The following SGCD variants were observed in gnomAD, a reference collection of about 807,000 sequenced individuals.
SGCD encodes the protein sarcoglycan delta.
Under a neutral mutation model 36.6 loss-of-function variants are expected in SGCD, and 18 were observed. The ratio of observed to expected loss-of-function variants is 0.49; its 90% CI spans 0.34 to 0.73. SGCD has a LOEUF of 0.73. SGCD is among the 30% of genes least tolerant of loss of function. The pLI, the probability that SGCD is intolerant of heterozygous loss-of-function variation, is 0.01. For missense variants in SGCD, 387 were observed against 346.7 expected, an observed-to-expected ratio of 1.12 and a Z score of -0.92; for synonymous variants, 133 against 130.6, an observed-to-expected ratio of 1.02 and a Z score of -0.12.
At position 156,096,939 on chromosome 5, in the gene SGCD, C is replaced by A. The variant is rs866209897; in HGVS notation, c.-281-20939C>A. On this transcript the variant is annotated intron_variant, in intron 1 of 9. Coordinates refer to the SGCD transcript ENST00000517913. ...CTTCATCTGAGAATATTTTTATTTC[C>A]CTTTCCTTCCTCAAGGATATTTTTA... is the stretch of plus-strand genomic sequence containing the variant. Among the ~76,000 whole-genome samples the A allele has an allele frequency of 4.6e-5, 7 of 151,966 alleles. 1 individual carries two copies. Among genetic ancestry groups the A allele is most frequent in the Non-Finnish European group, 7.4e-5 (5 of 67,992 alleles).
At chr5:156,736,141 G>GTGTTGACTGTCTGGATGTGTCA (rs1561885714) in intron 7 of SGCD, among the ~76,000 whole-genome samples, 1 of 152,110 alleles carries the variant, frequency 6.6e-6, no homozygotes, top group African/African-American at 2.4e-5. Flanking sequence ...ATTAGTCCCA[G>GTGTTGACTGTCTGGATGTGTCA]TGTTGACTGT....
chr5:156,335,168 A>G (rs1561626967), intron 2 of SGCD, among the ~76,000 whole-genome samples: 2 of 152,230 alleles, frequency 1.3e-5, no homozygotes, highest in Non-Finnish European at 2.9e-5. Context: ...TCACAAATGT[A>G]TCTGCCTGAA....
the SGCD span, among the ~76,000 whole-genome samples, chr5:155,796,031 A>G: frequency 1.3e-5 from 2 of 152,228 alleles, no homozygotes; most frequent in Non-Finnish European, 2.9e-5. Context: ...ACCTGAACAC[A>G]CCTTCTCTAC....
chr5:156,354,456 C>T (rs965002641), intron 3 of SGCD, among the ~76,000 whole-genome samples: 1 of 152,128 alleles, frequency 6.6e-6, no homozygotes, highest in African/African-American at 2.4e-5. Context: ...TTGGAGAGGT[C>T]AAACTGAAAA....
intron 3 of SGCD, among the ~76,000 whole-genome samples, chr5:156,357,922 C>T (rs903641227): frequency 3.3e-5 from 5 of 152,184 alleles, no homozygotes; most frequent in Non-Finnish European, 5.9e-5. Context: ...TAACAGAACT[C>T]GGCAACACTG....
intron 1 of SGCD, among the ~76,000 whole-genome samples, chr5:155,981,510 A>G (rs1758228677): frequency 6.6e-6 from 1 of 152,092 alleles, no homozygotes; most frequent in African/African-American, 2.4e-5. Context: ...TTATCACACA[A>G]ATTTTTCTTA....
At chr5:156,534,276 T>C (rs1330349098) in intron 4 of SGCD, among the ~76,000 whole-genome samples, 1 of 151,822 alleles carries the variant, frequency 6.6e-6, no homozygotes, top group Non-Finnish European at 1.5e-5. Context: ...CAGTCAGCAA[T>C]GTACAAAAGT....
chr5:155,977,277 T>A (rs1384237381), intron 1 of SGCD, among the ~76,000 whole-genome samples: 8 of 152,200 alleles, frequency 5.3e-5, no homozygotes, highest in Non-Finnish European at 4.4e-5. Context: ...AACTTTCTTG[T>A]GTCTTCCAAA....
intron 1 of SGCD, among the ~76,000 whole-genome samples, chr5:155,955,911 G>A (rs1757640070): frequency 6.6e-6 from 1 of 152,096 alleles, no homozygotes; most frequent in Non-Finnish European, 1.5e-5. Context: ...TACTGAGTTA[G>A]CCCTAAAGTA....
chr5:156,228,843 G>A (rs1764924277), intron 3 of SGCD, among the ~76,000 whole-genome samples: 1 of 152,042 alleles, frequency 6.6e-6, no homozygotes, highest in African/African-American at 2.4e-5. Flanking sequence ...TTATAGTGGT[G>A]GTGTGATGGT....
chr5:155,977,447 C>T (rs1758140249), intron 1 of SGCD, among the ~76,000 whole-genome samples: 1 of 152,014 alleles, frequency 6.6e-6, no homozygotes, highest in South Asian at 2.1e-4. Flanking sequence ...TTTTTTTAGT[C>T]ACTGTATCCT....
intron 3 of SGCD, among the ~76,000 whole-genome samples, chr5:156,289,277 C>T (rs1766696550): frequency 6.7e-6 from 1 of 149,708 alleles, no homozygotes; most frequent in Non-Finnish European, 1.5e-5. Context: ...ATTGAGCAAG[C>T]AACCCCTTAT....
chr5:155,974,178 A>G (rs977470899), intron 1 of SGCD, among the ~76,000 whole-genome samples: 1 of 152,128 alleles, frequency 6.6e-6, no homozygotes, highest in Admixed American at 6.6e-5. Context: ...CGGTTAATCT[A>G]TGGAAAAGGA....
the SGCD span, among the ~76,000 whole-genome samples, chr5:155,756,020 A>T: frequency 6.6e-6 from 1 of 152,238 alleles, no homozygotes. Context: ...GTTCAATTAC[A>T]AAGTGTGTAT....
the SGCD span, among the ~76,000 whole-genome samples, chr5:155,834,190 T>C: frequency 3.0e-5 from 1 of 33,894 alleles, no homozygotes; most frequent in Non-Finnish European, 5.7e-5. Flanking sequence ...GTGCCCCTCC[T>C]TTAAGACTAA....
intron 3 of SGCD, among the ~76,000 whole-genome samples, chr5:156,214,475 GA>G (rs1315277400): frequency 1.3e-5 from 2 of 151,908 alleles, no homozygotes; most frequent in African/African-American, 4.8e-5. Context: ...TAAATAAATG[GA>G]AAGATATGTC....
In SGCD at chr5:156,329,584, G is replaced by A. The variant is rs1000990823; in HGVS notation, c.3+5G>A. ...TGAAGGGACCAGGTGGAGATGGTGA[G>A]TAATTCCCGGGAGCGAAGCTTGTTC... On this transcript the variant is annotated splice_donor_5th_base_variant and intron_variant, in intron 2 of 8. Transcript: ENST00000337851. 1 of 1,612,908 alleles carries A rather than the reference G, an allele frequency of 6.2e-7. No homozygotes were observed. The highest frequency in any genetic ancestry group is 1.1e-5 in the South Asian group (1 of 90,936).
chr5:156,600,141 T>C (rs1761131318), intron 6 of SGCD, among the ~76,000 whole-genome samples: 1 of 152,202 alleles, frequency 6.6e-6, no homozygotes, highest in Admixed American at 6.5e-5. Flanking sequence ...ACCTTGTGCG[T>C]TTATCATTTC....
chr5:155,810,139 G>A, the SGCD span, among the ~76,000 whole-genome samples: 64 of 152,310 alleles, frequency 4.2e-4, no homozygotes, highest in South Asian at 0.013. Context: ...TAAAGGTAAT[G>A]GGGATATTAA....
Sources: allele counts gnomAD v4.1 joint callset (sites outside exome capture counted in the v4.1 genomes callset), GRCh38; gene constraint gnomAD v4.1.1; transcripts MANE v1.5; gene names NCBI Gene and HGNC (gene_info 2026-07-23, HGNC 2026-07-21).